The following ARFGEF1 variants were observed in gnomAD, a reference collection of about 807,000 sequenced individuals.
ARFGEF1 encodes ARF guanine nucleotide exchange factor 1, also known as brefeldin A-inhibited guanine nucleotide-exchange protein 1.
A neutral mutation model predicts 231.0 loss-of-function variants in ARFGEF1; 42 were observed. The observed-to-expected ratio is 0.18, with a 90% CI of 0.14 to 0.24. ARFGEF1 has a LOEUF of 0.24. Among genes scored for constraint, ARFGEF1 ranks in the 10% least tolerant of loss-of-function variants. The pLI, the probability that ARFGEF1 is intolerant of heterozygous loss-of-function variation, is 1.00. For synonymous variants in ARFGEF1, 710 were observed against 732.3 expected (o/e 0.97, Z 0.49); for missense variants, 1,345 against 2,192.0 (o/e 0.61, Z 7.72).
At chr8:67,279,736 A>C (rs1805459461) in intron 7 of ARFGEF1, among the ~76,000 whole-genome samples, 1 of 152,310 alleles carries the variant, frequency 6.6e-6, no homozygotes, top group South Asian at 2.1e-4. Context: ...TCATTATTTC[A>C]ATTTTCTCAT....
intron 5 of ARFGEF1, among the ~76,000 whole-genome samples, chr8:67,187,283 T>C (rs980305571): frequency 2.6e-5 from 4 of 151,860 alleles, no homozygotes; most frequent in African/African-American, 7.3e-5. Flanking sequence ...AAGAGAAGAG[T>C]TGGAGGACTC....
intron 4 of ARFGEF1, among the ~76,000 whole-genome samples, chr8:67,297,171 G>A (rs935201472): frequency 1.3e-5 from 2 of 152,076 alleles, no homozygotes; most frequent in African/African-American, 4.8e-5. Flanking sequence ...TTTCAACCAA[G>A]GTTTCATTTT....
chr8:67,302,905 T>TAAAAAAAAAAAAAAA (rs1563902346), intron 1 of ARFGEF1, among the ~76,000 whole-genome samples: 16 of 100,254 alleles, frequency 1.6e-4, no homozygotes, highest in African/African-American at 5.0e-4. Context: ...ACCCCATCTC[T>TAAAAAAAAAAAAAAA]TAAAAAAAAA....
At chr8:67,305,450 C>T (rs1048815243) in intron 1 of ARFGEF1, among the ~76,000 whole-genome samples, 2 of 152,146 alleles carry the variant, frequency 1.3e-5, no homozygotes, top group Non-Finnish European at 1.5e-5. Context: ...CGGGTTCAAG[C>T]GATTCTCCTG....
At chr8:67,343,107 G>GCCCCCCCCCCCCCCCCCCCCCAAACAAC in intron 1 of ARFGEF1, 57 bp downstream of exon 1, 1 of 426,112 alleles carries the variant, frequency 2.3e-6, no homozygotes, top group South Asian at 6.0e-5. Flanking sequence ...CCCCACAGGC[G>GCCCCCCCCCCCCCCCCCCCCCAAACAAC]CCCCCCTCCC....
chr8:67,315,763 T>A (rs1201591961), intron 1 of ARFGEF1, among the ~76,000 whole-genome samples: 1 of 152,034 alleles, frequency 6.6e-6, no homozygotes, highest in Non-Finnish European at 1.5e-5. Context: ...GGGAAATTTT[T>A]AAAAAATACA....
intron 1 of ARFGEF1, among the ~76,000 whole-genome samples, chr8:67,340,155 T>C (rs1808560063): frequency 6.6e-6 from 1 of 152,222 alleles, no homozygotes; most frequent in South Asian, 2.1e-4. Flanking sequence ...TCTACTCACA[T>C]GCCAATACAA....
At chr8:67,194,148 T>TAACA (rs1172553207), downstream of ARFGEF1, among the ~76,000 whole-genome samples, 3 of 152,156 alleles carry the variant, frequency 2.0e-5, no homozygotes, top group East Asian at 3.9e-4. Flanking sequence ...CTTAGACACC[T>TAACA]AACAAGCTAC....
At chr8:67,263,046 C>T (rs1045205648) in intron 14 of ARFGEF1, among the ~76,000 whole-genome samples, 1 of 152,068 alleles carries the variant, frequency 6.6e-6, no homozygotes, top group Non-Finnish European at 1.5e-5. Flanking sequence ...TTAATTAGAC[C>T]ACACAAAACC....
chr8:67,273,416 TCCC>T lies in ARFGEF1; in HGVS notation c.1338-1483_1338-1481del, dbSNP rs1805180943. ...CTCTAGCAGTTGGTTTTTTTTTTTT[TCCC>T]AAAAAAAAAAAAAAAAAAAAAAAAA... On this transcript the variant is annotated intron_variant, in intron 9 of 38. Transcript: ENST00000262215. 2.6e-5 allele frequency among the ~76,000 whole-genome samples: 3 copies of T among 117,484 alleles called. No homozygotes were observed. In the Admixed American group the frequency reaches 2.7e-4, roughly 10 times the overall value. The allele number at this position is 117,484 out of a possible 152,430, so 77.1% of individuals were successfully genotyped here.
intron 22 of ARFGEF1, among the ~76,000 whole-genome samples, chr8:67,234,137 C>A (rs994192789): frequency 1.3e-5 from 2 of 152,096 alleles, no homozygotes; most frequent in Non-Finnish European, 1.5e-5. Context: ...TCAATAAATG[C>A]CCTTCTGAAT....
intron 14 of ARFGEF1, among the ~76,000 whole-genome samples, chr8:67,263,155 C>T (rs914395416): frequency 1.3e-5 from 2 of 152,158 alleles, no homozygotes; most frequent in Non-Finnish European, 2.9e-5. Context: ...GAGTCTATTT[C>T]CTCTGCATGT....
In ARFGEF1 at chr8:67,301,979, C is replaced by T. The variant is rs557607145; in HGVS notation, c.155+457G>A. Among the ~76,000 whole-genome samples, 6 of 152,002 alleles carry T rather than the reference C, an allele frequency of 3.9e-5. No individual in the cohort carries two copies. The South Asian group carries it at 6.2e-4, about 16-fold the overall frequency. On this transcript the variant is annotated intron_variant, in intron 2 of 38. Coordinates refer to ENST00000262215, the MANE Select transcript of ARFGEF1 (RefSeq NM_006421.5). The stretch of plus-strand genomic sequence containing the variant: ...CCCAGCACTTTGGGAAGCCGAGGTG[C>T]GTGGGTCACTTGAGTTCAGGAGTTC...
At chr8:67,299,420 T>C in intron 3 of ARFGEF1, 65 bp from the exon 4 acceptor site, 3 of 1,390,964 alleles carry the variant, frequency 2.2e-6, no homozygotes, top group Non-Finnish European at 2.9e-6. Flanking sequence ...ACTAATGCAA[T>C]ATACATTAAA....
chr8:67,275,858 A>C, intron 9 of ARFGEF1, 118 bp downstream of exon 9: 1 of 1,327,536 alleles, frequency 7.5e-7, no homozygotes, highest in Non-Finnish European at 1.0e-6. Context: ...CCCTCCACCC[A>C]ATTTTTTTTT....
intron 1 of ARFGEF1, among the ~76,000 whole-genome samples, chr8:67,306,155 T>C (rs1464235293): frequency 6.6e-6 from 1 of 152,148 alleles, no homozygotes; most frequent in Non-Finnish European, 1.5e-5. Flanking sequence ...CTCTTGTGCT[T>C]TGGGGGTATT....
At chr8:67,314,197 A>C (rs532497629) in intron 1 of ARFGEF1, among the ~76,000 whole-genome samples, 26 of 152,308 alleles carry the variant, frequency 1.7e-4, no homozygotes, top group Non-Finnish European at 2.8e-4. Context: ...TCCGCCTCCC[A>C]GCTGTGAAAG....
At chr8:67,264,002 T>G (rs1353402089) in intron 14 of ARFGEF1, among the ~76,000 whole-genome samples, 1 of 152,076 alleles carries the variant, frequency 6.6e-6, no homozygotes, top group Non-Finnish European at 1.5e-5. Flanking sequence ...TAATAAATAG[T>G]TCTGCATTGT....
At chr8:67,206,544 A>G (rs547669703) in intron 34 of ARFGEF1, among the ~76,000 whole-genome samples, 24 of 151,926 alleles carry the variant, frequency 1.6e-4, no homozygotes, top group Non-Finnish European at 3.4e-4. Context: ...TCCTGAACAC[A>G]TTTGTTCAAC....
Sources: gnomAD v4.1 joint callset for allele counts (sites outside exome capture counted in the v4.1 genomes callset) on GRCh38, gnomAD v4.1.1 for gene constraint, MANE v1.5 for transcripts, NCBI Gene and HGNC (gene_info 2026-07-23, HGNC 2026-07-21) for gene names.